The following ASXL3 variants were observed in gnomAD, a reference collection of about 807,000 sequenced individuals.
ASXL3 encodes ASXL transcriptional regulator 3.
Under a neutral mutation model 170.6 loss-of-function variants are expected in ASXL3, and 34 were observed. The ratio of observed to expected loss-of-function variants is 0.20; its 90% CI spans 0.15 to 0.27. ASXL3 has a LOEUF of 0.27. Ranked by LOEUF, ASXL3 falls within the 10% of genes least tolerant of loss-of-function variation. The pLI is 1.00. For synonymous variants in ASXL3, 1,002 were observed against 989.1 expected, an observed-to-expected ratio of 1.01 and a Z score of -0.24; for missense variants, 2,592 against 2,695.3, an observed-to-expected ratio of 0.96 and a Z score of 0.85.
chr18:33,607,560 G>T, intron 1 of ASXL3, 34 bp from the exon 2 acceptor site: 1 of 1,465,274 alleles, frequency 6.8e-7, no homozygotes. Context: ...ATGCTGCCAT[G>T]CAATAATCTA....
chr18:33,732,829 C>G (rs1355006456), intron 9 of ASXL3, among the ~76,000 whole-genome samples: 2 of 149,334 alleles, frequency 1.3e-5, no homozygotes, highest in Non-Finnish European at 3.0e-5. Flanking sequence ...CTACTGCACT[C>G]TAGCCAAGGC....
chr18:33,745,810 A>C lies in ASXL3; in HGVS notation c.5962A>C (p.Asn1988His), dbSNP rs748304371. 2 of 1,613,998 alleles carry C rather than the reference A, an allele frequency of 1.2e-6. No homozygotes were observed. The highest frequency in any genetic ancestry group is 1.7e-6 in the Non-Finnish European group (2 of 1,179,900). The change falls in exon 12 of 12, where the codon AAC becomes CAC. Residue 1988 changes from asparagine to histidine, a missense_variant. Transcript: ENST00000269197. ...AGCACCTCACCAGCTAAGGTTAGCC[A>C]ACATGTTATCCCCCAATATGCCCAT... ...SSAPHQLRLA[N>H]MLSPNMPMKE...
rs1466392533 is a variant in ASXL3, at chr18:33,750,752, T to G, written c.*4157T>G. 1 of 152,162 alleles carries G rather than the reference T, an allele frequency of 6.6e-6. No homozygotes were observed. The highest frequency in any genetic ancestry group is 1.9e-4 in the East Asian group (1 of 5,194). The allele number at this position is 152,162 out of a possible 1,614,324, so 9.4% of individuals were successfully genotyped here. ...CCTGAACCTACATAGACATTTTATA[T>G]CAGCATACAGAAAAGTAAAATCCTC... On this transcript the variant is annotated 3_prime_UTR_variant, in exon 12 of 12. Transcript: ENST00000269197.
In ASXL3 at chr18:33,750,075, G is replaced by C. The variant is rs1038200556; in HGVS notation, c.*3480G>C. The C allele has an allele frequency of 1.3e-5, 2 of 152,268 alleles. No homozygotes were observed. Among genetic ancestry groups the C allele is most frequent in the African/African-American group, 4.8e-5 (2 of 41,460 alleles). 9.4% of individuals were successfully genotyped at this position (152,268 alleles called of 1,614,324 possible). ...AAGCCTAGGGTAGCATCGTCTGTAC[G>C]GTGGTGAGGCCCAGCACAGCGGTAG... is the stretch of plus-strand genomic sequence containing the variant. On this transcript the variant is annotated 3_prime_UTR_variant, in exon 12 of 12. Coordinates refer to ENST00000269197, the MANE Select transcript of ASXL3 (RefSeq NM_030632.3).
At chr18:33,706,616 A>G (rs1048144874) in intron 8 of ASXL3, among the ~76,000 whole-genome samples, 10 of 151,768 alleles carry the variant, frequency 6.6e-5, no homozygotes, top group African/African-American at 1.7e-4. Flanking sequence ...ACATTTTTGG[A>G]TACTTGGATA....
At chr18:33,624,864 T>G (rs1205701020) in intron 2 of ASXL3, among the ~76,000 whole-genome samples, 1 of 152,196 alleles carries the variant, frequency 6.6e-6, no homozygotes, top group Non-Finnish European at 1.5e-5. Context: ...TAATATTTAT[T>G]GAACATTCAT....
At chr18:33,680,016 T>C (rs879274102) in intron 7 of ASXL3, among the ~76,000 whole-genome samples, 1 of 151,976 alleles carries the variant, frequency 6.6e-6, no homozygotes, top group African/African-American at 2.4e-5. Context: ...CATCTTTCCT[T>C]CTTTCTTATT....
At chr18:33,633,478 G>A (rs912579518) in intron 2 of ASXL3, among the ~76,000 whole-genome samples, 4 of 151,970 alleles carry the variant, frequency 2.6e-5, no homozygotes, top group Non-Finnish European at 5.9e-5. Flanking sequence ...TTACTTTTTG[G>A]TAATGTCAAA....
chr18:33,663,049 A>G (rs1568312530), intron 5 of ASXL3, among the ~76,000 whole-genome samples: 1 of 152,184 alleles, frequency 6.6e-6, no homozygotes, highest in Non-Finnish European at 1.5e-5. Context: ...GCATAGGTCA[A>G]GTATCCTTTG....
intron 1 of ASXL3, among the ~76,000 whole-genome samples, chr18:33,606,828 T>A (rs1463161114): frequency 2.6e-5 from 4 of 151,958 alleles, no homozygotes; most frequent in African/African-American, 9.7e-5. Context: ...TTCCACCACA[T>A]GGGGTTAAGT....
At chr18:33,591,574 G>T (rs1186876333) in intron 1 of ASXL3, among the ~76,000 whole-genome samples, 2 of 150,326 alleles carry the variant, frequency 1.3e-5, no homozygotes, top group Admixed American at 1.3e-4. Context: ...CTGTCAGCAG[G>T]AAAAAGAAAA....
intron 2 of ASXL3, chr18:33,625,655 G>A (rs1354159648): frequency 6.6e-6 from 1 of 152,006 alleles, no homozygotes; most frequent in African/African-American, 2.4e-5. Flanking sequence ...AGGTTTCTAG[G>A]TATCTGACAT....
At chr18:33,723,474 G>A (rs1245608834) in intron 8 of ASXL3, among the ~76,000 whole-genome samples, 3 of 152,156 alleles carry the variant, frequency 2.0e-5, no homozygotes, top group Non-Finnish European at 4.4e-5. Flanking sequence ...AAGAGAACTA[G>A]AATTAGAAGT....
intron 4 of ASXL3, among the ~76,000 whole-genome samples, chr18:33,652,692 T>C (rs1267618632): frequency 6.6e-6 from 1 of 151,644 alleles, no homozygotes; most frequent in East Asian, 1.9e-4. Context: ...TTTTATGAAG[T>C]CCTTTTTCAT....
chr18:33,686,759 T>G (rs1162661153), intron 8 of ASXL3, among the ~76,000 whole-genome samples: 2 of 152,194 alleles, frequency 1.3e-5, no homozygotes. Flanking sequence ...AACCAGTAGG[T>G]ACCATCAAAA....
chr18:33,744,859 G>C lies in ASXL3; in HGVS notation c.5011G>C (p.Glu1671Gln). 6.2e-7 allele frequency: 1 copy of C among 1,614,040 alleles called. No homozygotes were observed. Among genetic ancestry groups the C allele is most frequent in the Non-Finnish European group, 8.5e-7 (1 of 1,179,906 alleles). The change falls in exon 12 of 12, where the codon GAA becomes CAA. Residue 1671 changes from glutamate (E) to glutamine (Q), a missense_variant. Glu to Gln is a conservative substitution (Grantham distance 29). Coordinates refer to ENST00000269197, the MANE Select transcript of ASXL3 (RefSeq NM_030632.3). Reference sequence around the variant, plus strand: ...AAATGTTGCTCTTCCTGTGAAATCTGAACTTCACGAAGCAGACAAGGGCTT... The same window carrying C: ...AAATGTTGCTCTTCCTGTGAAATCTCAACTTCACGAAGCAGACAAGGGCTT... The part of the protein sequence containing the change: ...VTNVALPVKS[E>Q]LHEADKGFRM...
At position 33,644,557 on chromosome 18, in the gene ASXL3, TG is replaced by T. The variant is rs201101210; in HGVS notation, c.138-336del. Among the ~76,000 whole-genome samples, 1,481 of 151,538 alleles carry T rather than the reference TG, an allele frequency of 9.8e-3. 18 individuals are homozygous for T. The highest frequency in any genetic ancestry group is 0.014 in the Non-Finnish European group (955 of 67,730). On this transcript the variant is annotated intron_variant, in intron 2 of 11. Coordinates refer to ENST00000269197, the MANE Select transcript of ASXL3 (RefSeq NM_030632.3). ...AAAGCTAAGGCTTCATGGTGTTATT[TG>T]TAAAATAACACCACATAAGTATTTG... is the stretch of plus-strand genomic sequence containing the variant.
At chr18:33,627,823 A>G (rs1180856820) in intron 2 of ASXL3, among the ~76,000 whole-genome samples, 1 of 152,158 alleles carries the variant, frequency 6.6e-6, no homozygotes, top group Non-Finnish European at 1.5e-5. Flanking sequence ...AATTTTGAAC[A>G]TGTTGCTTAG....
At chr18:33,706,447 CA>C (rs1272320399) in intron 8 of ASXL3, among the ~76,000 whole-genome samples, 3 of 151,842 alleles carry the variant, frequency 2.0e-5, no homozygotes, top group Admixed American at 2.0e-4. Flanking sequence ...AATACTTTCT[CA>C]AAATAATTAC....
Sources: gnomAD v4.1 joint callset for allele counts (sites outside exome capture counted in the v4.1 genomes callset) on GRCh38, gnomAD v4.1.1 for gene constraint, MANE v1.5 for transcripts, NCBI Gene and HGNC (gene_info 2026-07-23, HGNC 2026-07-21) for gene names.